The following COL4A5 variants were observed in gnomAD, a reference collection of about 807,000 sequenced individuals.
COL4A5 encodes collagen alpha-5(IV) chain.
In COL4A5, 26 loss-of-function variants were observed where a neutral mutation model predicts 130.2. The ratio of observed to expected loss-of-function variants is 0.20; its 90% confidence interval spans 0.15 to 0.28. The LOEUF (loss-of-function observed/expected upper bound fraction) is 0.28. Among genes scored for constraint, COL4A5 ranks in the 10% least tolerant of loss-of-function variants. The pLI is 1.00. For synonymous variants in COL4A5, 496 were observed against 439.6 expected, an observed-to-expected ratio of 1.13 and a Z score of -1.60; for missense variants, 1,131 against 1,344.3, an observed-to-expected ratio of 0.84 and a Z score of 2.48.
At chrX:108,492,349 A>T (rs2065000164) in intron 1 of COL4A5, among the ~76,000 whole-genome samples, 1 of 112,006 alleles carries the variant, frequency 8.9e-6, no homozygotes, top group African/African-American at 3.2e-5. Context: ...AAGAATACAG[A>T]CTTTACAAAA....
chrX:108,573,558 T>C lies in COL4A5; in HGVS notation c.466-16T>C. 8.6e-7 allele frequency: 1 copy of C among 1,159,743 alleles called. No individual in the cohort carries two copies. Among genetic ancestry groups the C allele is most frequent in the Non-Finnish European group, 1.2e-6 (1 of 847,971 alleles). ...AATAACTGTGTCTTAGAACTTCCAT[T>C]GATGGCTTCTTTTAGGGTGAACCAG... is the stretch of plus-strand genomic sequence containing the variant. On this transcript the variant is annotated splice_polypyrimidine_tract_variant and intron_variant, in intron 8 of 52. Transcript: ENST00000328300.
At position 108,527,206 on chromosome X, in the gene COL4A5, T is replaced by C. The variant is rs139029186; in HGVS notation, c.82-12540T>C. 5.3e-3 allele frequency among the ~76,000 whole-genome samples: 588 copies of C among 111,824 alleles called. 2 individuals carry two copies. Among genetic ancestry groups the C allele is most frequent in the African/African-American group, 0.019 (569 of 30,716 alleles). On this transcript the variant is annotated intron_variant, in intron 1 of 52. Transcript: ENST00000328300. ...ATATATTTGTTTTATTTGTCTTGCA[T>C]TTTAAGGTATCACTTTCTCTGTCTG...
At chrX:108,633,889 C>T (rs1474648829) in intron 36 of COL4A5, among the ~76,000 whole-genome samples, 1 of 111,661 alleles carries the variant, frequency 9.0e-6, no homozygotes, top group Non-Finnish European at 1.9e-5. Context: ...TACAGGTGAT[C>T]TTTGCTTTTG....
chrX:108,681,703 C>T (rs2068433693), intron 46 of COL4A5, 57 bp from the exon 47 acceptor site: 2 of 1,204,005 alleles, frequency 1.7e-6, no homozygotes, highest in Non-Finnish European at 2.2e-6. Flanking sequence ...GTCACTTTGG[C>T]TTCCATTTCT....
chrX:108,491,504 C>A (rs762014561), intron 1 of COL4A5, among the ~76,000 whole-genome samples: 1 of 111,656 alleles, frequency 9.0e-6, no homozygotes, highest in Non-Finnish European at 1.9e-5. Context: ...TTTACAATTG[C>A]ACTAAATAAA....
At chrX:108,578,914 G>T (rs773484933) in intron 13 of COL4A5, among the ~76,000 whole-genome samples, 1 of 110,850 alleles carries the variant, frequency 9.0e-6, no homozygotes, top group Non-Finnish European at 1.9e-5. Flanking sequence ...TCCTGACCTC[G>T]TGATCTGCCC....
At chrX:108,518,711 G>A (rs1289933742) in intron 1 of COL4A5, among the ~76,000 whole-genome samples, 2 of 110,986 alleles carry the variant, frequency 1.8e-5, no homozygotes, top group Non-Finnish European at 1.9e-5. Flanking sequence ...CATCAGTATC[G>A]ATGAATTACA....
At position 108,638,746 on chromosome X, in the gene COL4A5, A is replaced by T. The variant is rs762324659; in HGVS notation, c.3246+12397A>T. Among the ~76,000 whole-genome samples the T allele has an allele frequency of 2.1e-4, 24 of 112,121 alleles. No homozygotes were observed. In the East Asian group the frequency reaches 6.4e-3, roughly 30 times the overall value. ...CAAAGATTCAGGATAAAAAATCAAC[A>T]CACAGCAGTCAGTTTTGAATGTTTT... On this transcript the variant is annotated intron_variant, in intron 36 of 52. Transcript: ENST00000328300.
chrX:108,577,294 C>G (rs1569490245), intron 10 of COL4A5, among the ~76,000 whole-genome samples: 1 of 104,901 alleles, frequency 9.5e-6, no homozygotes, highest in African/African-American at 3.5e-5. Context: ...ATCGCTTGAA[C>G]CCAGGAGGCG....
chrX:108,531,201 G>C (rs1192087681), intron 1 of COL4A5, among the ~76,000 whole-genome samples: 6 of 68,445 alleles, frequency 8.8e-5, no homozygotes, highest in Non-Finnish European at 1.3e-4. Flanking sequence ...ACACTCTGGG[G>C]ACTGTTGTGG....
At chrX:108,597,700 A>T in intron 24 of COL4A5, 132 bp downstream of exon 24, 1 of 581,881 alleles carries the variant, frequency 1.7e-6, no homozygotes, top group Non-Finnish European at 2.9e-6. Flanking sequence ...GTGACCATAC[A>T]GTAATGGCAC....
intron 1 of COL4A5, among the ~76,000 whole-genome samples, chrX:108,461,923 A>G (rs995842410): frequency 6.2e-5 from 7 of 112,107 alleles, no homozygotes; most frequent in Non-Finnish European, 1.1e-4. Flanking sequence ...GCGTTTAAAC[A>G]TTAATAGAAT....
chrX:108,489,938 T>C (rs73253687), intron 1 of COL4A5, among the ~76,000 whole-genome samples: 2,093 of 111,685 alleles, frequency 0.019, 22 homozygotes, highest in Middle Eastern at 0.033. Context: ...GATAGTGGTG[T>C]TTTTTAATTT....
chrX:108,538,231 T>C (rs962525307), intron 1 of COL4A5, among the ~76,000 whole-genome samples: 4 of 112,285 alleles, frequency 3.6e-5, no homozygotes, highest in African/African-American at 1.3e-4. Flanking sequence ...AATATTCAAT[T>C]CATATTTGAT....
At chrX:108,584,611 T>C in intron 18 of COL4A5, 86 bp downstream of exon 18, 2 of 796,949 alleles carry the variant, frequency 2.5e-6, no homozygotes, top group Non-Finnish European at 3.7e-6. Context: ...CCCTACTTTT[T>C]CTTGATAGAA....
At chrX:108,696,111 T>C in intron 52 of COL4A5, 186 bp from the exon 53 acceptor site, 1 of 429,134 alleles carries the variant, frequency 2.3e-6, no homozygotes, top group Non-Finnish European at 4.2e-6. Flanking sequence ...ACAAAATATC[T>C]ATGACCACTA....
At chrX:108,477,990 G>T (rs906019445) in intron 1 of COL4A5, among the ~76,000 whole-genome samples, 1 of 110,538 alleles carries the variant, frequency 9.0e-6, no homozygotes, top group African/African-American at 3.3e-5. Flanking sequence ...TTTTCCTGGT[G>T]GAGTGACCCA....
chrX:108,498,302 T>C lies in COL4A5; in HGVS notation c.82-41444T>C, dbSNP rs866799786. ...TTACCATTTTCAAAGATCATTTGAC[T>C]TTATTTGTCTGTGTCTAATTTTGGA... On this transcript the variant is annotated intron_variant, in intron 1 of 52. Coordinates refer to ENST00000328300, the MANE Select transcript of COL4A5 (RefSeq NM_033380.3). Among the ~76,000 whole-genome samples, 18 of 111,642 alleles carry C rather than the reference T, an allele frequency of 1.6e-4. No individual in the cohort carries two copies. In the Middle Eastern group the frequency reaches 0.014, roughly 87 times the overall value.
In COL4A5 at chrX:108,512,612, A is replaced by G. The variant is rs1465635397; in HGVS notation, c.82-27134A>G. ...GTCAGTAGGTTCCGTGATGCCCCAC[A>G]AGCCGCAAAACCAGCAAGTTTTTAT... On this transcript the variant is annotated intron_variant, in intron 1 of 52. Coordinates refer to ENST00000328300, the MANE Select transcript of COL4A5 (RefSeq NM_033380.3). Among the ~76,000 whole-genome samples the G allele has an allele frequency of 1.2e-4, 13 of 110,898 alleles. No individual in the cohort carries two copies. In the Admixed American group the frequency reaches 1.3e-3, roughly 11 times the overall value.
Sources: allele counts gnomAD v4.1 joint callset (sites outside exome capture counted in the v4.1 genomes callset), GRCh38; gene constraint gnomAD v4.1.1; transcripts MANE v1.5; gene names NCBI Gene and HGNC (gene_info 2026-07-23, HGNC 2026-07-21).